The following CSNK1G3 variants were observed in gnomAD, a reference collection of about 807,000 sequenced individuals.
CSNK1G3 encodes casein kinase 1 gamma 3.
CSNK1G3 carries 23 observed loss-of-function variants against 64.3 expected under a neutral mutation model. The observed-to-expected ratio is 0.36, with a 90% CI of 0.26 to 0.51. CSNK1G3 has a LOEUF of 0.51. CSNK1G3 is among the 20% of genes least tolerant of loss of function. The pLI, the probability that CSNK1G3 is intolerant of heterozygous loss-of-function variation, is 0.96. For synonymous variants in CSNK1G3, 158 were observed against 162.2 expected (o/e 0.97, Z 0.20); for missense variants, 357 against 510.5 (o/e 0.70, Z 2.90).
chr5:123,573,625 T>A, intron 5 of CSNK1G3, 84 bp downstream of exon 5: 1 of 1,249,358 alleles, frequency 8.0e-7, no homozygotes, highest in Non-Finnish European at 1.1e-6. Context: ...TAAAGTTCTG[T>A]GATATTGTCT....
chr5:123,572,601 A>C (rs1388783332), intron 4 of CSNK1G3, among the ~76,000 whole-genome samples: 1 of 152,248 alleles, frequency 6.6e-6, no homozygotes, highest in East Asian at 1.9e-4. Context: ...CTCTCTTCCA[A>C]GTTCACTGAT....
At chr5:123,548,193 T>A (rs1391807193) in intron 2 of CSNK1G3, among the ~76,000 whole-genome samples, 1 of 152,134 alleles carries the variant, frequency 6.6e-6, no homozygotes, top group African/African-American at 2.4e-5. Context: ...GCATGGTGGC[T>A]CACATCTATC....
intron 1 of CSNK1G3, among the ~76,000 whole-genome samples, chr5:123,534,782 T>G (rs1225037738): frequency 6.6e-6 from 1 of 152,144 alleles, no homozygotes; most frequent in African/African-American, 2.4e-5. Flanking sequence ...TTAGCTAAGC[T>G]GTGCCCAGGC....
chr5:123,595,012 A>T, intron 10 of CSNK1G3, 27 bp from the exon 11 acceptor site: 10 of 1,593,046 alleles, frequency 6.3e-6, no homozygotes, highest in Non-Finnish European at 8.6e-6. Context: ...TCTTCCATGC[A>T]TGCCATATGC....
At chr5:123,608,548 T>A (rs896961084) in intron 12 of CSNK1G3, among the ~76,000 whole-genome samples, 1 of 152,202 alleles carries the variant, frequency 6.6e-6, no homozygotes, top group African/African-American at 2.4e-5. Context: ...CATCCTTTAT[T>A]CTTTCTCTTT....
intron 2 of CSNK1G3, among the ~76,000 whole-genome samples, chr5:123,548,944 A>G (rs771290170): frequency 1.3e-5 from 2 of 152,222 alleles, no homozygotes; most frequent in Non-Finnish European, 2.9e-5. Flanking sequence ...TTGGTTGTTT[A>G]CTCTCATGAT....
intron 1 of CSNK1G3, among the ~76,000 whole-genome samples, chr5:123,520,537 A>G (rs1009440867): frequency 5.3e-5 from 8 of 150,072 alleles, no homozygotes; most frequent in African/African-American, 2.0e-4. Flanking sequence ...CTACCAGTTT[A>G]GATTTTAATA....
At chr5:123,513,158 AACCAAG>A (rs1313050341) in intron 1 of CSNK1G3, among the ~76,000 whole-genome samples, 2 of 152,180 alleles carry the variant, frequency 1.3e-5, no homozygotes, top group Non-Finnish European at 2.9e-5. Flanking sequence ...CTCAAAACTT[AACCAAG>A]ACATTAGTCA....
intron 2 of CSNK1G3, among the ~76,000 whole-genome samples, chr5:123,551,359 A>G (rs1195360406): frequency 6.6e-6 from 1 of 152,052 alleles, no homozygotes; most frequent in Non-Finnish European, 1.5e-5. Context: ...GACTAAAAAT[A>G]TGAAATATTC....
intron 6 of CSNK1G3, among the ~76,000 whole-genome samples, chr5:123,582,074 CTG>C (rs1159793212): frequency 6.6e-6 from 1 of 151,636 alleles, no homozygotes. Flanking sequence ...CTTCCTGCTT[CTG>C]TGTGAGGCAT....
intron 12 of CSNK1G3, among the ~76,000 whole-genome samples, chr5:123,611,956 G>A: frequency 6.6e-6 from 1 of 152,112 alleles, no homozygotes; most frequent in East Asian, 1.9e-4. Flanking sequence ...ATTGAGATTT[G>A]AGAAATATTA....
At position 123,512,957 on chromosome 5, in the gene CSNK1G3, A is replaced by C. The variant is rs973410905; in HGVS notation, c.-248+387A>C. Among the ~76,000 whole-genome samples, 12 of 152,128 alleles carry C rather than the reference A, an allele frequency of 7.9e-5. No individual in the cohort carries two copies. The East Asian group carries it at 1.9e-3, about 25-fold the overall frequency. ...GATTGGGAGGTGGGGAGTGTCGCCCACGGTGCTCCTTGACTGTGTCCAGAC... is the reference window on the plus strand; with the variant it reads ...GATTGGGAGGTGGGGAGTGTCGCCCCCGGTGCTCCTTGACTGTGTCCAGAC... On this transcript the variant is annotated intron_variant, in intron 1 of 12. Transcript: ENST00000345990.
intron 6 of CSNK1G3, 62 bp from the exon 7 acceptor site, chr5:123,588,006 C>T: frequency 9.6e-7 from 1 of 1,042,126 alleles, no homozygotes; most frequent in Non-Finnish European, 1.4e-6. Flanking sequence ...AGAACAAACT[C>T]TCCATTCTTC....
intron 12 of CSNK1G3, among the ~76,000 whole-genome samples, chr5:123,609,555 T>C (rs1795955304): frequency 6.6e-6 from 1 of 152,084 alleles, no homozygotes; most frequent in Non-Finnish European, 1.5e-5. Flanking sequence ...CCTCAAGAGA[T>C]CAGTTCAGTG....
At chr5:123,611,300 GGTGGTA>G (rs1796291749) in intron 12 of CSNK1G3, among the ~76,000 whole-genome samples, 1 of 152,138 alleles carries the variant, frequency 6.6e-6, no homozygotes, top group Admixed American at 6.5e-5. Flanking sequence ...GCTGTCCTCT[GGTGGTA>G]GTAACTTTAA....
intron 12 of CSNK1G3, among the ~76,000 whole-genome samples, chr5:123,605,627 C>G (rs1795229351): frequency 6.6e-6 from 1 of 151,950 alleles, no homozygotes; most frequent in African/African-American, 2.4e-5. Context: ...ATACACCAAC[C>G]CTGCTTGTGC....
chr5:123,543,401 G>A (rs1017668922), intron 1 of CSNK1G3, among the ~76,000 whole-genome samples: 1 of 152,098 alleles, frequency 6.6e-6, no homozygotes, highest in Non-Finnish European at 1.5e-5. Context: ...AGCTTCTAGT[G>A]TCTCCATTCT....
intron 12 of CSNK1G3, among the ~76,000 whole-genome samples, chr5:123,611,554 G>A (rs559640250): frequency 5.2e-4 from 79 of 152,288 alleles, no homozygotes; most frequent in African/African-American, 1.9e-3. Flanking sequence ...AGAACTCTCA[G>A]TACTGGAAAT....
chr5:123,593,200 T>TACACACACAC (rs775669511), intron 10 of CSNK1G3, among the ~76,000 whole-genome samples: 2 of 91,748 alleles, frequency 2.2e-5, no homozygotes, highest in African/African-American at 9.3e-5. Context: ...TGTGTGTATA[T>TACACACACAC]ATACACACAC....
Sources: allele counts gnomAD v4.1 joint callset (sites outside exome capture counted in the v4.1 genomes callset), GRCh38; gene constraint gnomAD v4.1.1; transcripts MANE v1.5; gene names NCBI Gene and HGNC (gene_info 2026-07-23, HGNC 2026-07-21).